Variants in GRM7 observed in about 807,000 individuals in gnomAD.
GRM7 encodes metabotropic glutamate receptor 7.
A neutral mutation model predicts 84.5 loss-of-function variants in GRM7; 35 were observed. The observed-to-expected ratio is 0.41, with a 90% confidence interval of 0.32 to 0.55. The LOEUF is 0.55. GRM7 is among the 20% of genes least tolerant of loss of function. GRM7 has a pLI of 0.19. For synonymous variants in GRM7, 487 were observed against 455.1 expected, an observed-to-expected ratio of 1.07 and a Z score of -0.89; for missense variants, 1,003 against 1,194.6, an observed-to-expected ratio of 0.84 and a Z score of 2.36.
In GRM7 at chr3:7,656,374, T is replaced by G. The variant is rs559231681; in HGVS notation, c.2452-23675T>G. Among the ~76,000 whole-genome samples the G allele has an allele frequency of 2.0e-5, 3 of 152,084 alleles. No individual in the cohort carries two copies. In the East Asian group the frequency reaches 5.8e-4, roughly 29 times the overall value. ...AGCCGGGCATGGTGGCGTGCACCTG[T>G]AGTCCCAGCTACTTGGGAGGCTGAG... is the stretch of plus-strand genomic sequence containing the variant. On this transcript the variant is annotated intron_variant, in intron 8 of 9. Coordinates refer to ENST00000357716, the MANE Select transcript of GRM7 (RefSeq NM_000844.4).
intron 4 of GRM7, among the ~76,000 whole-genome samples, chr3:7,378,871 T>C (rs1694468566): frequency 6.6e-6 from 1 of 152,120 alleles, no homozygotes; most frequent in Non-Finnish European, 1.5e-5. Flanking sequence ...TCCTACTTTT[T>C]CTCCCTCACA....
intron 8 of GRM7, among the ~76,000 whole-genome samples, chr3:7,636,958 A>G (rs1161356361): frequency 6.6e-6 from 1 of 152,200 alleles, no homozygotes; most frequent in Non-Finnish European, 1.5e-5. Flanking sequence ...ATACCGTGAA[A>G]TGGTCTTCCC....
At chr3:7,379,070 T>A (rs1694476921) in intron 4 of GRM7, among the ~76,000 whole-genome samples, 1 of 152,146 alleles carries the variant, frequency 6.6e-6, no homozygotes, top group Admixed American at 6.5e-5. Context: ...ATTTTATTAA[T>A]TTTTATTTTT....
chr3:7,276,249 G>GTGTGTGTATATATA (rs1336783487), intron 2 of GRM7, among the ~76,000 whole-genome samples: 1 of 143,592 alleles, frequency 7.0e-6, no homozygotes, highest in South Asian at 2.2e-4. Flanking sequence ...GTGTGTGTGT[G>GTGTGTGTATATATA]TATATATAAT....
At chr3:7,562,693 T>A (rs115577589) in intron 7 of GRM7, among the ~76,000 whole-genome samples, 1,618 of 152,140 alleles carry the variant, frequency 0.011, 41 homozygotes, top group African/African-American at 0.037. Context: ...GAGATAGATA[T>A]TACAGGAAAA....
At chr3:7,173,837 A>G (rs1461843393) in intron 2 of GRM7, among the ~76,000 whole-genome samples, 1 of 152,212 alleles carries the variant, frequency 6.6e-6, no homozygotes, top group African/African-American at 2.4e-5. Flanking sequence ...AGCTTATTTT[A>G]ACAGCTTATA....
intron 4 of GRM7, among the ~76,000 whole-genome samples, chr3:7,339,614 A>G (rs1575188413): frequency 6.6e-6 from 1 of 152,142 alleles, no homozygotes; most frequent in African/African-American, 2.4e-5. Context: ...AGAAGTTGCT[A>G]GGAAGATCAG....
At chr3:7,059,179 G>A (rs1697338585) in intron 1 of GRM7, among the ~76,000 whole-genome samples, 1 of 151,452 alleles carries the variant, frequency 6.6e-6, no homozygotes. Flanking sequence ...ATATATATAT[G>A]TATTACACAT....
chr3:7,106,573 T>C (rs1278065724), intron 1 of GRM7, among the ~76,000 whole-genome samples: 31 of 152,018 alleles, frequency 2.0e-4, no homozygotes, highest in Admixed American at 1.9e-3. Flanking sequence ...AAATGAATAA[T>C]GGCCACAGCT....
chr3:6,977,922 C>T (rs527743236), intron 1 of GRM7, among the ~76,000 whole-genome samples: 2 of 152,026 alleles, frequency 1.3e-5, no homozygotes, highest in African/African-American at 4.8e-5. Context: ...CTGTTTTTGC[C>T]CTATGTTAAT....
chr3:6,945,301 G>C (rs1260748782), intron 1 of GRM7, among the ~76,000 whole-genome samples: 3 of 150,980 alleles, frequency 2.0e-5, no homozygotes, highest in African/African-American at 7.3e-5. Context: ...CTATGAGTGA[G>C]AACATGCAAT....
At chr3:7,704,950 C>T (rs1413180581) in intron 9 of GRM7, among the ~76,000 whole-genome samples, 1 of 152,138 alleles carries the variant, frequency 6.6e-6, no homozygotes, top group Non-Finnish European at 1.5e-5. Context: ...CTATAGAAAA[C>T]CTGGGACAAA....
At chr3:6,994,661 T>C (rs568426545) in intron 1 of GRM7, among the ~76,000 whole-genome samples, 21 of 152,354 alleles carry the variant, frequency 1.4e-4, no homozygotes, top group African/African-American at 5.0e-4. Context: ...TTTTTTTTCT[T>C]AGAGACAATT....
chr3:7,203,408 A>G (rs1696130914), intron 2 of GRM7, among the ~76,000 whole-genome samples: 1 of 152,164 alleles, frequency 6.6e-6, no homozygotes, highest in African/African-American at 2.4e-5. Flanking sequence ...TTTATGGCTG[A>G]ATAGTATTCC....
At chr3:7,008,805 CT>C (rs1441209472) in intron 1 of GRM7, among the ~76,000 whole-genome samples, 2 of 152,018 alleles carry the variant, frequency 1.3e-5, no homozygotes, top group African/African-American at 4.8e-5. Flanking sequence ...CTCCTTTCTC[CT>C]TTTTTCTTGG....
chr3:7,031,394 A>T (rs1696177134), intron 1 of GRM7, among the ~76,000 whole-genome samples: 1 of 150,156 alleles, frequency 6.7e-6, no homozygotes, highest in Non-Finnish European at 1.5e-5. Flanking sequence ...TACTTTTTTT[A>T]AATTTTTTAA....
At chr3:7,081,978 C>T (rs1698288993) in intron 1 of GRM7, among the ~76,000 whole-genome samples, 1 of 152,058 alleles carries the variant, frequency 6.6e-6, no homozygotes, top group African/African-American at 2.4e-5. Context: ...AGAAAAAGAT[C>T]TTAAAAATGC....
At chr3:7,186,052 G>T (rs899749715) in intron 2 of GRM7, among the ~76,000 whole-genome samples, 5 of 152,120 alleles carry the variant, frequency 3.3e-5, no homozygotes, top group African/African-American at 1.2e-4. Context: ...TTCACCATGG[G>T]CATGTCTGGC....
At chr3:7,150,527 G>A (rs949389773) in intron 2 of GRM7, among the ~76,000 whole-genome samples, 2 of 152,166 alleles carry the variant, frequency 1.3e-5, no homozygotes, top group Non-Finnish European at 2.9e-5. Context: ...GTAGAGTCCG[G>A]CAGATTTAAA....
Sources: gnomAD v4.1 joint callset for allele counts (sites outside exome capture counted in the v4.1 genomes callset) on GRCh38, gnomAD v4.1.1 for gene constraint, MANE v1.5 for transcripts, NCBI Gene and HGNC (gene_info 2026-07-23, HGNC 2026-07-21) for gene names.